Variants in CKAP5 observed in about 807,000 individuals in gnomAD.
CKAP5 encodes cytoskeleton associated protein 5.
Under a neutral mutation model 232.8 loss-of-function variants are expected in CKAP5, and 27 were observed. The observed-to-expected ratio is 0.12, with a 90% CI of 0.09 to 0.16. The LOEUF (loss-of-function observed/expected upper bound fraction) is 0.16. Ranked by LOEUF, CKAP5 falls within the 10% of genes least tolerant of loss-of-function variation. CKAP5 has a pLI of 1.00. For missense variants in CKAP5, 1,838 were observed against 2,424.7 expected (o/e 0.76, Z 5.08); for synonymous variants, 785 against 841.1 (o/e 0.93, Z 1.16).
At chr11:46,812,886 G>A (rs902613318) in intron 4 of CKAP5, among the ~76,000 whole-genome samples, 3 of 151,870 alleles carry the variant, frequency 2.0e-5, no homozygotes, top group Non-Finnish European at 4.4e-5. Flanking sequence ...CAGGCAATCT[G>A]CCTGCCTCAG....
intron 18 of CKAP5, among the ~76,000 whole-genome samples, chr11:46,782,358 A>G (rs1219929843): frequency 6.6e-6 from 1 of 152,196 alleles, no homozygotes; most frequent in Non-Finnish European, 1.5e-5. Context: ...TATGGCTTTT[A>G]TAAGTGACAT....
At chr11:46,758,862 A>G (rs1350336108) in intron 35 of CKAP5, 61 bp downstream of exon 35, 1 of 1,587,848 alleles carries the variant, frequency 6.3e-7, no homozygotes, top group East Asian at 2.2e-5. Context: ...TGTGCAATTC[A>G]TCACATTTAT....
intron 4 of CKAP5, among the ~76,000 whole-genome samples, chr11:46,811,813 T>C (rs796579923): frequency 1.1e-4 from 16 of 152,272 alleles, no homozygotes; most frequent in Admixed American, 2.6e-4. Context: ...ATATAAAAGC[T>C]TACAAATATA....
intron 1 of CKAP5, among the ~76,000 whole-genome samples, chr11:46,835,515 A>G (rs1015902856): frequency 2.0e-5 from 3 of 152,172 alleles, no homozygotes; most frequent in Admixed American, 2.0e-4. Context: ...GGGCATGTCA[A>G]AGGGACACAG....
chr11:46,826,232 A>T (rs1260089409), intron 1 of CKAP5, among the ~76,000 whole-genome samples: 1 of 152,164 alleles, frequency 6.6e-6, no homozygotes, highest in Non-Finnish European at 1.5e-5. Context: ...ACTCTTCCTA[A>T]GAGATGTTCA....
In CKAP5 at chr11:46,759,379, C is replaced by T; in HGVS notation, c.4458G>A (p.Leu1486=). 6.2e-7 allele frequency: 1 copy of T among 1,614,084 alleles called. No individual in the cohort carries two copies. ...TGTCATTCTCAATCTCATCTAGATC[C>T]AGCTGGAATTCTCGGCGGACCATCT... is the stretch of plus-strand genomic sequence containing the variant. ...AAQMVRREFQ[L]DLDEIENDNG... Residue 1486 remains leucine, a synonymous_variant, in exon 34 of 44, where the codon CTG becomes CTA. Coordinates refer to ENST00000529230, the MANE Select transcript of CKAP5 (RefSeq NM_001008938.4).
Position 46,784,650 on chromosome 11 carries a change from T to C in CKAP5, c.1992A>G (p.Ile664Met). 1.2e-6 allele frequency: 2 copies of C among 1,613,896 alleles called. No homozygotes were observed. Among genetic ancestry groups the C allele is most frequent in the Non-Finnish European group, 1.7e-6 (2 of 1,179,856 alleles). The stretch of plus-strand genomic sequence containing the variant: ...TTCCCTTCTGGGCAATCAAAGCAAC[T>C]ATATGAAGCTTCATTTGCATCACCT... The part of the protein sequence containing the change: ...NFQVMQMKLH[I>M]VALIAQKGNF... Residue 664 changes from isoleucine (I) to methionine (M), a missense_variant, in exon 17 of 44, where the codon ATA becomes ATG. Ile to Met is a conservative substitution (Grantham distance 10). Around this residue, in one of 6 missense-constraint regions of CKAP5, gnomAD observed 767 missense variants for 954.6 expected, o/e 0.80. Transcript: ENST00000529230.
Position 46,801,367 on chromosome 11 carries a change from T to C in CKAP5, c.979-63A>G, listed in dbSNP as rs138156512. 1.1e-3 allele frequency: 1,486 copies of C among 1,315,746 alleles called. 12 individuals carry two copies. In the African/African-American group the frequency reaches 0.018, roughly 16 times the overall value. 81.5% of individuals were successfully genotyped at this position (1,315,746 alleles called of 1,614,324 possible). A position where few individuals can be genotyped will look rare whatever the true frequency, so the allele number is the denominator to read the frequency against. On this transcript the variant is annotated intron_variant, in intron 8 of 43. Coordinates refer to ENST00000529230, the MANE Select transcript of CKAP5 (RefSeq NM_001008938.4). ...AGCCATGTAGAAGGGTATTGAAATT[T>C]TATTCTCAAAAGAACTCTGAGGCCG...
At chr11:46,797,724 A>C in intron 11 of CKAP5, 81 bp downstream of exon 11, 1 of 1,369,248 alleles carries the variant, frequency 7.3e-7, no homozygotes, top group Admixed American at 2.2e-5. Context: ...CTGAAAGTCA[A>C]GTAGTCACTG....
chr11:46,806,895 TACAC>T (rs1565745553), intron 8 of CKAP5, among the ~76,000 whole-genome samples: 1 of 152,248 alleles, frequency 6.6e-6, no homozygotes, highest in Non-Finnish European at 1.5e-5. Flanking sequence ...CTTTAGCTTT[TACAC>T]TATAAACAAG....
rs766011628 is a variant in CKAP5 at position 46,846,011 on chromosome 11, C to T, written c.-38+209G>A. On this transcript the variant is annotated intron_variant, in intron 1 of 43. Transcript: ENST00000529230. ...ACCTGGAGCCCAACCCCGGCCTCCGCCGCACACGAGCGCCCACGCCCCCGG... is the reference window on the plus strand; with the variant it reads ...ACCTGGAGCCCAACCCCGGCCTCCGTCGCACACGAGCGCCCACGCCCCCGG... Among the ~76,000 whole-genome samples, 86 of 151,860 alleles carry T rather than the reference C, an allele frequency of 5.7e-4. 1 individual carries two copies. Among genetic ancestry groups the T allele is most frequent in the Non-Finnish European group, 9.9e-4 (67 of 67,910 alleles).
At chr11:46,830,307 G>A (rs919934902) in intron 1 of CKAP5, among the ~76,000 whole-genome samples, 1 of 151,880 alleles carries the variant, frequency 6.6e-6, no homozygotes. Context: ...CGGGCGTGGT[G>A]GCAGGCACCT....
chr11:46,844,889 C>A (rs1377950311), intron 1 of CKAP5, among the ~76,000 whole-genome samples: 2 of 151,986 alleles, frequency 1.3e-5, no homozygotes, highest in Non-Finnish European at 1.5e-5. Context: ...CTCCTGACCT[C>A]GTGATCCGCC....
intron 42 of CKAP5, among the ~76,000 whole-genome samples, chr11:46,746,261 G>T (rs1482176363): frequency 1.3e-5 from 2 of 152,146 alleles, no homozygotes; most frequent in Non-Finnish European, 2.9e-5. Flanking sequence ...GCTCATGATA[G>T]CTATTTTCTA....
At chr11:46,805,733 C>T (rs1268126336) in intron 8 of CKAP5, among the ~76,000 whole-genome samples, 3 of 152,096 alleles carry the variant, frequency 2.0e-5, no homozygotes, top group Admixed American at 6.6e-5. Flanking sequence ...GTCAGGAGTT[C>T]GAGACTAGCC....
chr11:46,750,898 C>T (rs772895080), intron 40 of CKAP5, among the ~76,000 whole-genome samples: 1 of 152,192 alleles, frequency 6.6e-6, no homozygotes, highest in Non-Finnish European at 1.5e-5. Context: ...ATGCCTTAGG[C>T]ATCTTTCTTG....
At chr11:46,795,797 G>A in intron 12 of CKAP5, 21 bp from the exon 13 acceptor site, 1 of 1,601,272 alleles carries the variant, frequency 6.2e-7, no homozygotes, top group Non-Finnish European at 8.5e-7. Context: ...AAAGTGAGAT[G>A]AACATCATTA....
At chr11:46,841,355 T>TG (rs1312803058) in intron 1 of CKAP5, among the ~76,000 whole-genome samples, 1 of 151,610 alleles carries the variant, frequency 6.6e-6, no homozygotes, top group Non-Finnish European at 1.5e-5. Context: ...GCTTGGTGTG[T>TG]GGGGAAAAAA....
chr11:46,761,562 G>GTGAACCTAAATT, intron 32 of CKAP5, among the ~76,000 whole-genome samples: 1 of 152,318 alleles, frequency 6.6e-6, no homozygotes, highest in East Asian at 1.9e-4. Context: ...TAAGAGGTCA[G>GTGAACCTAAATT]AGGCAGAACC....
Sources: allele counts gnomAD v4.1 joint callset (sites outside exome capture counted in the v4.1 genomes callset), GRCh38; gene constraint gnomAD v4.1.1; regional missense constraint gnomAD v4.1.1; transcripts MANE v1.5; gene names NCBI Gene and HGNC (gene_info 2026-07-23, HGNC 2026-07-21).